The following RPL13 variants were observed in gnomAD, a reference collection of about 807,000 sequenced individuals.
The protein encoded by RPL13 is large ribosomal subunit protein eL13.
A neutral mutation model predicts 21.4 loss-of-function variants in RPL13; 1 was observed. That is an observed-to-expected ratio of 0.05 (90% CI 0.02 to 0.22). The LOEUF (loss-of-function observed/expected upper bound fraction) is 0.22. Among genes scored for constraint, RPL13 ranks in the 10% least tolerant of loss-of-function variants. The probability of loss-of-function intolerance (pLI) is 1.00; values close to 1 mark genes in which losing one functional copy is unlikely to be tolerated. For synonymous variants in RPL13, 143 were observed against 120.5 expected (o/e 1.19, Z -1.23); for missense variants, 289 against 303.0 (o/e 0.95, Z 0.34).
In RPL13 at chr16:89,563,168, G is replaced by A. The variant is rs2058759037; in HGVS notation, c.*126G>A. ...GACTTCCTCCTGCCAGGGGATTTGG[G>A]GCTTTCTTGAAAGACAGTCCAAGCC... On this transcript the variant is annotated 3_prime_UTR_variant, in exon 6 of 6. Coordinates refer to ENST00000311528, the MANE Select transcript of RPL13 (RefSeq NM_000977.4). 2.6e-5 allele frequency: 25 copies of A among 958,916 alleles called. No homozygotes were observed. The highest frequency in any genetic ancestry group is 3.6e-5 in the Non-Finnish European group (25 of 696,912). 59.4% of individuals were successfully genotyped at this position (958,916 alleles called of 1,614,324 possible). A position where few individuals can be genotyped will look rare whatever the true frequency, so the allele number is the denominator to read the frequency against.
downstream of RPL13, chr16:89,565,704 C>T (rs1242403490): frequency 6.6e-6 from 1 of 151,138 alleles, no homozygotes; most frequent in Non-Finnish European, 1.5e-5. Flanking sequence ...TGGGCCTGAC[C>T]TAGGGGGCGC....
chr16:89,564,561 G>C (rs1325631911), downstream of RPL13: 1 of 152,230 alleles, frequency 6.6e-6, no homozygotes, highest in African/African-American at 2.4e-5. Context: ...TGTAATCCCA[G>C]CTACTTGGTA....
intron 3 of RPL13, 36 bp from the exon 4 acceptor site, chr16:89,561,542 C>T (rs771853960): frequency 1.1e-5 from 18 of 1,613,084 alleles, no homozygotes; most frequent in Non-Finnish European, 1.4e-5. Context: ...GGAGAAAGCC[C>T]GGGCCTGTCT....
At chr16:89,565,749 A>T (rs2058784410), downstream of RPL13, 2 of 151,720 alleles carry the variant, frequency 1.3e-5, no homozygotes, top group Admixed American at 1.3e-4. Flanking sequence ...CCTCTGTGCC[A>T]GGCCGCAGAC....
chr16:89,562,411 A>C lies in RPL13; in HGVS notation c.477+20A>C. The C allele has an allele frequency of 1.9e-6, 3 of 1,608,700 alleles. No individual in the cohort carries two copies. The African/African-American group carries it at 4.0e-5, about 22-fold the overall frequency. ...CGGAACGTAAGTGAACACTTACTCA[A>C]ATCCAGGCTTCAGACGAGATCAGTG... On this transcript the variant is annotated intron_variant, in intron 5 of 5. Coordinates refer to ENST00000311528, the MANE Select transcript of RPL13 (RefSeq NM_000977.4).
chr16:89,562,643 T>G lies in RPL13; in HGVS notation c.478-241T>G, dbSNP rs2058753888. On this transcript the variant is annotated intron_variant, in intron 5 of 5. Transcript: ENST00000311528. ...TGGAAAGAGAGTTTCTCTATGCTGC[T>G]TACATTGGTTTTGAATTGCTGGGTT... is the stretch of plus-strand genomic sequence containing the variant. The G allele has an allele frequency of 1.4e-5, 8 of 574,272 alleles. No homozygotes were observed. The South Asian group carries it at 2.0e-4, about 14-fold the overall frequency. 35.6% of individuals were successfully genotyped at this position (574,272 alleles called of 1,614,324 possible).
chr16:89,564,047 A>G lies in RPL13; in HGVS notation c.*1005A>G, dbSNP rs1241309524. The G allele has an allele frequency of 6.6e-6, 1 of 152,236 alleles. No homozygotes were observed. The highest frequency in any genetic ancestry group is 6.5e-5 in the Admixed American group (1 of 15,282). 9.4% of individuals were successfully genotyped at this position (152,236 alleles called of 1,614,324 possible). A position where few individuals can be genotyped will look rare whatever the true frequency, so the allele number is the denominator to read the frequency against. ...CCGAGGGCAGCATGGTTTCTCGTGC[A>G]GTGCTCAGACACAGCCTGCCCTAGT... On this transcript the variant is annotated 3_prime_UTR_variant, in exon 6 of 6. Coordinates refer to ENST00000311528, the MANE Select transcript of RPL13 (RefSeq NM_000977.4).
rs759533701 is a variant in RPL13 at position 89,562,985 on chromosome 16, C to T, written c.579C>T (p.Gly193=). 1.3e-6 allele frequency: 2 copies of T among 1,580,360 alleles called. No individual in the cohort carries two copies. Among genetic ancestry groups the T allele is most frequent in the Non-Finnish European group, 1.7e-6 (2 of 1,163,816 alleles). Residue 193 remains glycine, a synonymous_variant, in exon 6 of 6, where the codon GGC becomes GGT. Transcript: ENST00000311528. Reference sequence around the variant, plus strand: ...CCCGTGCCAACGCCCGGCTCTTCGGCATACGGGCAAAAAGAGCCAAGGAAG... The same window carrying T: ...CCCGTGCCAACGCCCGGCTCTTCGGTATACGGGCAAAAAGAGCCAAGGAAG... The part of the protein sequence containing the change: ...RMARANARLF[G]IRAKRAKEAA...
intron 5 of RPL13, 146 bp downstream of exon 5, chr16:89,562,537 C>A (rs1018257424): frequency 1.4e-6 from 1 of 711,646 alleles, no homozygotes; most frequent in East Asian, 3.0e-5. Flanking sequence ...AGGAACATTT[C>A]TTCTTAGTTT....
Position 89,563,154 on chromosome 16 carries a change from G to T in RPL13, c.*112G>T. ...GGCTTCACTGCTGTGACTTCCTCCTGCCAGGGGATTTGGGGCTTTCTTGAA... is the reference window on the plus strand; with the variant it reads ...GGCTTCACTGCTGTGACTTCCTCCTTCCAGGGGATTTGGGGCTTTCTTGAA... On this transcript the variant is annotated 3_prime_UTR_variant, in exon 6 of 6. Coordinates refer to ENST00000311528, the MANE Select transcript of RPL13 (RefSeq NM_000977.4). The T allele has an allele frequency of 1.8e-6, 2 of 1,083,220 alleles. No individual in the cohort carries two copies. The highest frequency in any genetic ancestry group is 2.5e-6 in the Non-Finnish European group (2 of 807,532). 67.1% of individuals were successfully genotyped at this position (1,083,220 alleles called of 1,614,324 possible).
intron 3 of RPL13, 24 bp from the exon 4 acceptor site, chr16:89,561,554 C>T (rs1475486056): frequency 1.9e-6 from 3 of 1,613,356 alleles, no homozygotes; most frequent in Non-Finnish European, 2.5e-6. Flanking sequence ...GGCCTGTCTC[C>T]ATCTCTCTCT....
chr16:89,562,874 T>C lies in RPL13; in HGVS notation c.478-10T>C. On this transcript the variant is annotated splice_polypyrimidine_tract_variant and intron_variant, in intron 5 of 5. Coordinates refer to ENST00000311528, the MANE Select transcript of RPL13 (RefSeq NM_000977.4). Reference sequence around the variant, plus strand: ...GCATGTGGGTTTAACAACCTGTCTTTCTCTTCTAGGTCTATAAGAAGGAGA... The same window carrying C: ...GCATGTGGGTTTAACAACCTGTCTTCCTCTTCTAGGTCTATAAGAAGGAGA... The C allele has an allele frequency of 6.5e-7, 1 of 1,535,674 alleles. No homozygotes were observed. Among genetic ancestry groups the C allele is most frequent in the Non-Finnish European group, 8.7e-7 (1 of 1,144,542 alleles).
chr16:89,561,171 G>C lies in RPL13; in HGVS notation c.105-56G>C, dbSNP rs1597674099. On this transcript the variant is annotated intron_variant, in intron 2 of 5. Transcript: ENST00000311528. Reference sequence around the variant, plus strand: ...GGGCGCTGTCTGCAACCGTCGCGGAGCGCTGGCCTGGCGGCCTTAGGCAAG... The same window carrying C: ...GGGCGCTGTCTGCAACCGTCGCGGACCGCTGGCCTGGCGGCCTTAGGCAAG... 14 of 1,513,960 alleles carry C rather than the reference G, an allele frequency of 9.2e-6. No individual in the cohort carries two copies. The East Asian group carries it at 3.4e-4, about 37-fold the overall frequency. The allele number at this position is 1,513,960 out of a possible 1,614,324, so 93.8% of individuals were successfully genotyped here.
At position 89,561,046 on chromosome 16, in the gene RPL13, G is replaced by A. The variant is rs754293506; in HGVS notation, c.87G>A (p.Pro29=). The A allele has an allele frequency of 9.3e-6, 15 of 1,606,496 alleles. No individual in the cohort carries two copies. Among genetic ancestry groups the A allele is most frequent in the South Asian group, 2.2e-5 (2 of 90,188 alleles). Reference sequence around the variant, plus strand: ...GCGTGGCCACGTGGTTCAACCAGCCGGCCCGTAAGATCCGCAGGTGAGCCC... The same window carrying A: ...GCGTGGCCACGTGGTTCAACCAGCCAGCCCGTAAGATCCGCAGGTGAGCCC... The part of the protein sequence containing the change: ...QRRVATWFNQ[P]ARKIRRRKAR... Residue 29 remains proline (P), a synonymous_variant, in exon 2 of 6, where the codon CCG becomes CCA. Transcript: ENST00000311528.
intron 1 of RPL13, 113 bp downstream of exon 1, chr16:89,560,825 C>T: frequency 3.1e-6 from 2 of 641,974 alleles, no homozygotes; most frequent in South Asian, 4.4e-5. Context: ...CGTTCGGCCG[C>T]TGCCCGGGCT....
chr16:89,562,500 C>T (rs2058752828), intron 5 of RPL13, 109 bp downstream of exon 5: 1 of 1,036,612 alleles, frequency 9.6e-7, no homozygotes, highest in Admixed American at 2.7e-5. Context: ...TTAATAGTGG[C>T]AGTTGTGGGT....
At chr16:89,561,514 C>T (rs759441527) in intron 3 of RPL13, 64 bp from the exon 4 acceptor site, 1 of 1,612,098 alleles carries the variant, frequency 6.2e-7, no homozygotes. Flanking sequence ...TGAGGCTTTT[C>T]ATCCAGGCCT....
chr16:89,560,724 T>A lies in RPL13; in HGVS notation c.-21+12T>A. The A allele has an allele frequency of 4.3e-6, 2 of 470,576 alleles. No homozygotes were observed. Among genetic ancestry groups the A allele is most frequent in the Non-Finnish European group, 7.5e-6 (2 of 267,362 alleles). 29.2% of individuals were successfully genotyped at this position (470,576 alleles called of 1,614,324 possible). ...TTCCTGCGCAGGAGGTGAGGGAGACTGGGTCCTGGCCTTTGGGCATCATCC... is the reference window on the plus strand; with the variant it reads ...TTCCTGCGCAGGAGGTGAGGGAGACAGGGTCCTGGCCTTTGGGCATCATCC... On this transcript the variant is annotated intron_variant, in intron 1 of 5. Coordinates refer to ENST00000311528, the MANE Select transcript of RPL13 (RefSeq NM_000977.4).
Position 89,563,742 on chromosome 16 carries a change from T to A in RPL13, c.*700T>A, listed in dbSNP as rs1431425584. 2.6e-5 allele frequency: 4 copies of A among 152,182 alleles called. No homozygotes were observed. The highest frequency in any genetic ancestry group is 4.4e-5 in the Non-Finnish European group (3 of 68,042). The allele number at this position is 152,182 out of a possible 1,614,324, so 9.4% of individuals were successfully genotyped here. A position where few individuals can be genotyped will look rare whatever the true frequency, so the allele number is the denominator to read the frequency against. ...GCACCCAACCTAGAGTTGCCTTTTT[T>A]AAGCAAAGCAGTTTCTAGTTAATGT... is the stretch of plus-strand genomic sequence containing the variant. On this transcript the variant is annotated 3_prime_UTR_variant, in exon 6 of 6. Transcript: ENST00000311528.
Sources: gnomAD v4.1 joint callset for allele counts on GRCh38, gnomAD v4.1.1 for gene constraint, MANE v1.5 for transcripts, NCBI Gene and HGNC (gene_info 2026-07-23, HGNC 2026-07-21) for gene names.